The following GPR55 variants were observed in gnomAD, a reference collection of about 807,000 sequenced individuals.
GPR55 encodes the protein G-protein coupled receptor 55.
In GPR55, 6 loss-of-function variants were observed where a neutral mutation model predicts 7.9. The ratio of observed to expected loss-of-function variants is 0.76; its 90% CI spans 0.41 to 1.49. The LOEUF (loss-of-function observed/expected upper bound fraction) is 1.49. Ranked by LOEUF, GPR55 falls within the 40% of genes most tolerant of loss-of-function variation. GPR55 has a pLI of 0.01. For synonymous variants in GPR55, 183 were observed against 166.8 expected (o/e 1.10, Z -0.75); for missense variants, 376 against 406.0 (o/e 0.93, Z 0.63).
At position 230,923,068 on chromosome 2, in the gene GPR55, T is replaced by C. The variant is rs1690875666; in HGVS notation, c.-135+2100A>G. Among the ~76,000 whole-genome samples, 1 of 152,186 alleles carries C rather than the reference T, an allele frequency of 6.6e-6. No homozygotes were observed. The highest frequency in any genetic ancestry group is 2.1e-4 in the South Asian group (1 of 4,830). On this transcript the variant is annotated intron_variant, in intron 1 of 1. Coordinates refer to ENST00000650999, the MANE Select transcript of GPR55 (RefSeq NM_005683.4). The surrounding 1 kb of genome is among the most constrained non-coding windows in gnomAD (Gnocchi z 4.1). Reference sequence around the variant, plus strand: ...CTGGGATTCCCGCAACTGCCAGTGGTCCATGGTACCCTCATCCGCCCACAC... The same window carrying C: ...CTGGGATTCCCGCAACTGCCAGTGGCCCATGGTACCCTCATCCGCCCACAC...
Position 230,910,592 on chromosome 2 carries a change from C to A in GPR55, c.371G>T (p.Arg124Leu). 6.2e-7 allele frequency: 1 copy of A among 1,613,968 alleles called. No individual in the cohort carries two copies. The highest frequency in any genetic ancestry group is 1.1e-5 in the South Asian group (1 of 91,082). ...FISMDRFLAI[R>L]YPLLVSHLRS... ...GAGGTGGCTCACCAGTAGCGGGTAA[C>A]GGATGGCCAAGAACCGGTCCATGCT... The change falls in exon 2 of 2, where the codon CGT (arginine) becomes CTT (leucine). Residue 124 changes from arginine to leucine, a missense_variant. Transcript: ENST00000650999. This position sits in a 1 kb window ranked among gnomAD's most constrained non-coding sequence, Gnocchi z 5.4.
chr2:230,941,343 A>G (rs1691230241), intron 1 of GPR55, among the ~76,000 whole-genome samples: 1 of 152,154 alleles, frequency 6.6e-6, no homozygotes, highest in Non-Finnish European at 1.5e-5. Flanking sequence ...TGGAAGAAAG[A>G]CAAGCACCAG....
Position 230,910,452 on chromosome 2 carries a change from T to G in GPR55, c.511A>C (p.Asn171His), listed in dbSNP as rs1259086230. 1.2e-6 allele frequency: 2 copies of G among 1,613,560 alleles called. No homozygotes were observed. Among genetic ancestry groups the G allele is most frequent in the Non-Finnish European group, 1.7e-6 (2 of 1,179,598 alleles). ...GKVEKYMCFH[N>H]MSDDTWSAKV... ...GCGCTCCAGGTATCATCAGACATGT[T>G]GTGGAAGCACATGTATTTTTCCACT... is the stretch of plus-strand genomic sequence containing the variant. The change falls in exon 2 of 2, where the codon AAC becomes CAC. Residue 171 changes from asparagine to histidine, a missense_variant. Asn to His is a moderately conservative substitution (Grantham distance 68, BLOSUM62 1). Transcript: ENST00000650999. This position sits in a 1 kb window ranked among gnomAD's most constrained non-coding sequence, Gnocchi z 5.4.
At chr2:230,943,217 G>C (rs1004816276) in intron 1 of GPR55, among the ~76,000 whole-genome samples, 1 of 152,168 alleles carries the variant, frequency 6.6e-6, no homozygotes, top group Non-Finnish European at 1.5e-5. Flanking sequence ...TTGGACTAGA[G>C]CCAGGTCAAG....
intron 1 of GPR55, among the ~76,000 whole-genome samples, chr2:230,946,880 T>C (rs1691326149): frequency 6.6e-6 from 1 of 152,218 alleles, no homozygotes; most frequent in Non-Finnish European, 1.5e-5. Flanking sequence ...TGTGGTTCTT[T>C]AGGACTCCAC....
At chr2:230,929,590 T>A (rs984378196), upstream of GPR55, 1 of 152,236 alleles carries the variant, frequency 6.6e-6, no homozygotes, top group Non-Finnish European at 1.5e-5. Flanking sequence ...CAGCCAATTC[T>A]TTTAGAGCCA....
intron 1 of GPR55, among the ~76,000 whole-genome samples, chr2:230,921,617 C>G (rs1574623417): frequency 6.6e-6 from 1 of 152,156 alleles, no homozygotes; most frequent in Non-Finnish European, 1.5e-5. Flanking sequence ...TATTTATACA[C>G]AAAACACAAA....
At chr2:230,915,279 C>G (rs1690683734) in intron 1 of GPR55, among the ~76,000 whole-genome samples, 1 of 152,196 alleles carries the variant, frequency 6.6e-6, no homozygotes, top group African/African-American at 2.4e-5. Context: ...GGAGCCATCC[C>G]AGTGCTGCCA....
At chr2:230,942,203 C>A (rs1192379994) in intron 1 of GPR55, among the ~76,000 whole-genome samples, 1 of 152,262 alleles carries the variant, frequency 6.6e-6, no homozygotes, top group Non-Finnish European at 1.5e-5. Flanking sequence ...CACACTCACA[C>A]TCCAGGGCTG....
intron 1 of GPR55, among the ~76,000 whole-genome samples, chr2:230,948,510 A>G (rs1691352723): frequency 6.6e-6 from 1 of 152,264 alleles, no homozygotes; most frequent in Non-Finnish European, 1.5e-5. Context: ...TATATATGGA[A>G]TAGAACCTAC....
intron 1 of GPR55, among the ~76,000 whole-genome samples, chr2:230,917,851 A>G (rs917945763): frequency 3.9e-5 from 6 of 152,154 alleles, no homozygotes; most frequent in Non-Finnish European, 7.4e-5. Context: ...AAAAATAATA[A>G]TGACTATTTA....
chr2:230,948,967 G>T (rs1691357532), intron 1 of GPR55, among the ~76,000 whole-genome samples: 1 of 152,176 alleles, frequency 6.6e-6, no homozygotes. Flanking sequence ...TCCTCGGGAG[G>T]CTGAGGTGGG....
intron 1 of GPR55, among the ~76,000 whole-genome samples, chr2:230,945,349 A>T (rs890737665): frequency 4.1e-5 from 6 of 145,264 alleles, no homozygotes; most frequent in African/African-American, 1.4e-4. Flanking sequence ...GATTCCAATT[A>T]TTTGCTGTGC....
intron 1 of GPR55, among the ~76,000 whole-genome samples, chr2:230,956,368 T>C (rs1691484351): frequency 6.6e-6 from 1 of 151,992 alleles, no homozygotes; most frequent in Non-Finnish European, 1.5e-5. Context: ...AGTTTCACCA[T>C]GTTGGCCAGG....
intron 1 of GPR55, among the ~76,000 whole-genome samples, chr2:230,912,059 C>T (rs1690604920): frequency 6.6e-6 from 1 of 152,170 alleles, no homozygotes; most frequent in Non-Finnish European, 1.5e-5. Flanking sequence ...CCTCTGCCCA[C>T]CTCCCTGCTC....
In GPR55 at chr2:230,934,689, C is replaced by T. The variant is rs187694075; in HGVS notation, c.-134-23593G>A. The stretch of plus-strand genomic sequence containing the variant: ...GCCTCGGGGTGGCCCTGTTTGCTAT[C>T]TGGGGTGGGGTGAGGATGACCATCT... On this transcript the variant is annotated intron_variant, in intron 1 of 1. Transcript: ENST00000392039. 7.2e-4 allele frequency among the ~76,000 whole-genome samples: 110 copies of T among 152,274 alleles called. 1 individual carries two copies. The highest frequency in any genetic ancestry group is 2.5e-3 in the African/African-American group (105 of 41,546).
At chr2:230,932,118 C>G (rs374261413) in intron 1 of GPR55, among the ~76,000 whole-genome samples, 1 of 152,214 alleles carries the variant, frequency 6.6e-6, no homozygotes, top group African/African-American at 2.4e-5. Flanking sequence ...TACAAACCAG[C>G]CGCGGTCTGC....
chr2:230,939,231 C>T (rs1691181893), intron 1 of GPR55, among the ~76,000 whole-genome samples: 1 of 152,212 alleles, frequency 6.6e-6, no homozygotes, highest in Non-Finnish European at 1.5e-5. Flanking sequence ...CCGGTGGCTC[C>T]GAGGAGCTGT....
At chr2:230,918,140 A>C (rs1405629070) in intron 1 of GPR55, among the ~76,000 whole-genome samples, 1 of 152,244 alleles carries the variant, frequency 6.6e-6, no homozygotes, top group African/African-American at 2.4e-5. Context: ...AAATATCAGA[A>C]TCAACACATT....
Sources: allele counts gnomAD v4.1 joint callset (sites outside exome capture counted in the v4.1 genomes callset), GRCh38; gene constraint gnomAD v4.1.1; non-coding constraint Gnocchi (gnomAD v3.1); transcripts MANE v1.5; gene names NCBI Gene and HGNC (gene_info 2026-07-23, HGNC 2026-07-21).